Variants in EYS observed in about 807,000 individuals in gnomAD.
EYS encodes EGF-like photoreceptor maintenance factor.
Under a neutral mutation model 282.1 loss-of-function variants are expected in EYS, and 250 were observed. The ratio of observed to expected loss-of-function variants is 0.89; its 90% confidence interval spans 0.80 to 0.98. EYS has a LOEUF of 0.98. EYS is among the 50% of genes least tolerant of loss of function. The pLI is 0.00. For missense variants in EYS, 4,016 were observed against 3,709.0 expected (o/e 1.08, Z -2.15); for synonymous variants, 1,355 against 1,282.9 (o/e 1.06, Z -1.20).
intron 30 of EYS, among the ~76,000 whole-genome samples, chr6:64,298,069 G>C (rs975761684): frequency 2.0e-5 from 3 of 151,748 alleles, no homozygotes; most frequent in Non-Finnish European, 4.4e-5. Context: ...GACCTTCCTT[G>C]CTAGAAATGC....
chr6:65,166,211 T>A (rs983020603), intron 12 of EYS, among the ~76,000 whole-genome samples: 2 of 151,130 alleles, frequency 1.3e-5, no homozygotes, highest in Admixed American at 6.6e-5. Flanking sequence ...CAAGCTGATT[T>A]TTTTTAGACA....
In EYS at chr6:65,154,613, C is replaced by A. The variant is rs570331591; in HGVS notation, c.2024-96886G>T. On this transcript the variant is annotated intron_variant, in intron 12 of 42. Coordinates refer to ENST00000503581, the MANE Select transcript of EYS (RefSeq NM_001142800.2). ...TTCTAAACTGTAATGGTTATATGAGCAAAGAGGAAGTGAGAAGAGCAGGAG... is the reference window on the plus strand; with the variant it reads ...TTCTAAACTGTAATGGTTATATGAGAAAAGAGGAAGTGAGAAGAGCAGGAG... Among the ~76,000 whole-genome samples, 17 of 151,532 alleles carry A rather than the reference C, an allele frequency of 1.1e-4. No homozygotes were observed. The South Asian group carries it at 2.1e-3, about 19-fold the overall frequency.
intron 12 of EYS, among the ~76,000 whole-genome samples, chr6:65,238,810 A>T (rs536051664): frequency 7.8e-4 from 119 of 152,000 alleles, no homozygotes; most frequent in Non-Finnish European, 1.3e-3. Context: ...ACAAAATTTC[A>T]TTTAAAAGTA....
chr6:65,333,349 A>C (rs757441594), intron 11 of EYS, among the ~76,000 whole-genome samples: 6 of 151,728 alleles, frequency 4.0e-5, no homozygotes, highest in African/African-American at 7.2e-5. Context: ...TTATCAAGTT[A>C]CTTATTGATT....
chr6:64,844,409 T>A (rs1329924898), intron 19 of EYS, among the ~76,000 whole-genome samples: 1 of 151,686 alleles, frequency 6.6e-6, no homozygotes, highest in Admixed American at 6.6e-5. Flanking sequence ...TACTCAATAA[T>A]GAATTCTTTC....
At chr6:65,025,728 G>A (rs922272217) in intron 13 of EYS, among the ~76,000 whole-genome samples, 10 of 152,026 alleles carry the variant, frequency 6.6e-5, no homozygotes, top group African/African-American at 2.4e-4. Context: ...AAATAAATAA[G>A]AGGAAGAAAA....
intron 26 of EYS, among the ~76,000 whole-genome samples, chr6:64,546,154 G>T (rs1202067248): frequency 6.6e-6 from 1 of 152,118 alleles, no homozygotes; most frequent in African/African-American, 2.4e-5. Context: ...AAACAGCATG[G>T]TACTGGTACC....
At chr6:63,874,013 T>C (rs1434167731) in intron 35 of EYS, among the ~76,000 whole-genome samples, 2 of 152,222 alleles carry the variant, frequency 1.3e-5, no homozygotes, top group Non-Finnish European at 2.9e-5. Context: ...ATCCCATTTG[T>C]CAATTTTGGC....
chr6:65,227,525 A>G lies in EYS; in HGVS notation c.2023+68338T>C, dbSNP rs148780396. On this transcript the variant is annotated intron_variant, in intron 12 of 42. Coordinates refer to ENST00000503581, the MANE Select transcript of EYS (RefSeq NM_001142800.2). ...GTTCCTCAGAATATTAAGACATAAA[A>G]TTGATGTATGATCATATTGATATAT... is the stretch of plus-strand genomic sequence containing the variant. Among the ~76,000 whole-genome samples, 1,055 of 152,308 alleles carry G rather than the reference A, an allele frequency of 6.9e-3. 10 individuals carry two copies. Among genetic ancestry groups the G allele is most frequent in the African/African-American group, 0.024 (1,005 of 41,574 alleles).
intron 26 of EYS, among the ~76,000 whole-genome samples, chr6:64,563,601 A>T (rs1172255810): frequency 2.0e-5 from 3 of 152,106 alleles, no homozygotes; most frequent in African/African-American, 7.2e-5. Flanking sequence ...TATATAAGCC[A>T]TCATTGTAAT....
chr6:64,930,262 T>C (rs946787552), intron 15 of EYS, among the ~76,000 whole-genome samples: 3 of 152,100 alleles, frequency 2.0e-5, no homozygotes, highest in Non-Finnish European at 2.9e-5. Context: ...ATCTGTAAAC[T>C]ACAGTGTAGC....
At chr6:64,488,630 A>C (rs925306637) in intron 26 of EYS, among the ~76,000 whole-genome samples, 1 of 151,088 alleles carries the variant, frequency 6.6e-6, no homozygotes, top group Non-Finnish European at 1.5e-5. Context: ...AGAACAAAGA[A>C]GACTAACTAT....
At chr6:64,066,879 AC>A (rs1397570484) in intron 32 of EYS, among the ~76,000 whole-genome samples, 4 of 152,234 alleles carry the variant, frequency 2.6e-5, no homozygotes, top group African/African-American at 9.6e-5. Context: ...GTTTTTAATA[AC>A]TTGTATTATT....
At chr6:64,416,714 T>C (rs1774069373) in intron 28 of EYS, among the ~76,000 whole-genome samples, 1 of 152,174 alleles carries the variant, frequency 6.6e-6, no homozygotes. Flanking sequence ...TTTTGAGACA[T>C]TAATGGTACA....
intron 2 of EYS, among the ~76,000 whole-genome samples, chr6:65,632,328 T>C (rs1003155758): frequency 6.6e-6 from 1 of 152,180 alleles, no homozygotes; most frequent in African/African-American, 2.4e-5. Context: ...GACAAGTTAA[T>C]GCATTTTGGA....
rs151154379 is a variant in EYS at position 63,916,884 on chromosome 6, A to G, written c.7056-52526T>C. Among the ~76,000 whole-genome samples the G allele has an allele frequency of 3.6e-3, 552 of 152,334 alleles. 3 individuals carry two copies. Among genetic ancestry groups the G allele is most frequent in the African/African-American group, 0.012 (495 of 41,570 alleles). Reference sequence around the variant, plus strand: ...AGCAATGAAACATGCAGTGACAGTAAAGCAAGAAGTTCCAGGTGCTGTGTA... The same window carrying G: ...AGCAATGAAACATGCAGTGACAGTAGAGCAAGAAGTTCCAGGTGCTGTGTA... On this transcript the variant is annotated intron_variant, in intron 35 of 42. Transcript: ENST00000503581.
At chr6:64,816,934 A>G (rs935392529) in intron 21 of EYS, among the ~76,000 whole-genome samples, 4 of 151,484 alleles carry the variant, frequency 2.6e-5, no homozygotes, top group Non-Finnish European at 1.5e-5. Flanking sequence ...ATTAATAAGA[A>G]GAAAGTAGAA....
At chr6:63,747,689 A>C (rs1769243595) in intron 41 of EYS, among the ~76,000 whole-genome samples, 1 of 152,038 alleles carries the variant, frequency 6.6e-6, no homozygotes, top group Non-Finnish European at 1.5e-5. Flanking sequence ...TGATCCCTTT[A>C]CCATTATGTA....
At chr6:65,617,723 C>A (rs1214625729) in intron 2 of EYS, among the ~76,000 whole-genome samples, 1 of 127,158 alleles carries the variant, frequency 7.9e-6, no homozygotes, top group Non-Finnish European at 1.6e-5. Flanking sequence ...CCACCACAAT[C>A]CCCAGAGTGT....
Sources: gnomAD v4.1 joint callset for allele counts (sites outside exome capture counted in the v4.1 genomes callset) on GRCh38, gnomAD v4.1.1 for gene constraint, MANE v1.5 for transcripts, NCBI Gene and HGNC (gene_info 2026-07-23, HGNC 2026-07-21) for gene names.